The following AKAP6 variants were observed in gnomAD, a reference collection of about 807,000 sequenced individuals.
The protein encoded by AKAP6 is A-kinase anchoring protein 6.
AKAP6 carries 58 observed loss-of-function variants against 188.5 expected under a neutral mutation model. The ratio of observed to expected loss-of-function variants is 0.31; its 90% CI spans 0.25 to 0.38. The LOEUF (loss-of-function observed/expected upper bound fraction) is 0.38, where lower values mean the gene tolerates loss of function less well. Among genes scored for constraint, AKAP6 ranks in the 10% least tolerant of loss-of-function variants. The pLI is 1.00. For synonymous variants in AKAP6, 989 were observed against 998.6 expected (o/e 0.99, Z 0.18); for missense variants, 2,710 against 2,740.0 (o/e 0.99, Z 0.24).
chr14:32,694,904 C>T (rs73264902), intron 8 of AKAP6, among the ~76,000 whole-genome samples: 1,703 of 152,240 alleles, frequency 0.011, 30 homozygotes, highest in African/African-American at 0.039. Flanking sequence ...AGGCTGCTGC[C>T]TCATTAGTAC....
At position 32,546,251 on chromosome 14, in the gene AKAP6, A is replaced by G. The variant is rs1413896467; in HGVS notation, c.1598A>G (p.Glu533Gly). 2.5e-6 allele frequency: 4 copies of G among 1,614,072 alleles called. No homozygotes were observed. Among genetic ancestry groups the G allele is most frequent in the South Asian group, 2.2e-5 (2 of 91,086 alleles). ...NTKSSAVPNG[E>G]LSYTSKAIEG... is the part of the protein sequence containing the mutation. ...AAGAGCTCAGCAGTGCCAAATGGAGAGCTTTCTTATACTTCCAAGGCCATA... is the reference window on the plus strand; with the variant it reads ...AAGAGCTCAGCAGTGCCAAATGGAGGGCTTTCTTATACTTCCAAGGCCATA... Residue 533 changes from glutamate to glycine, a missense_variant, in exon 4 of 14, where the codon GAG becomes GGG. By Grantham distance (98) the Glu-to-Gly change is moderately conservative (BLOSUM62 -2). This residue lies in a region of AKAP6 where 2,473 missense variants were observed against 2,426.1 expected (regional missense o/e 1.02). Transcript: ENST00000280979.
At chr14:32,561,090 G>T (rs1483725921) in intron 4 of AKAP6, among the ~76,000 whole-genome samples, 3 of 152,142 alleles carry the variant, frequency 2.0e-5, no homozygotes, top group Admixed American at 1.3e-4. Flanking sequence ...TTTTAATTAT[G>T]AAAACTTGAA....
rs140282938 is a variant in AKAP6, at chr14:32,802,560, G to A, written c.3589-18842G>A. On this transcript the variant is annotated intron_variant, in intron 12 of 13. Coordinates refer to ENST00000280979, the MANE Select transcript of AKAP6 (RefSeq NM_004274.5). ...TTTCAGTGTTAGAGAGGTAGCAATC[G>A]GTTGCAAATTCACATAATCTTTAGC... 3.4e-4 allele frequency among the ~76,000 whole-genome samples: 52 copies of A among 152,224 alleles called. No individual in the cohort carries two copies. In the East Asian group the frequency reaches 7.1e-3, roughly 21 times the overall value.
At chr14:32,740,979 T>G (rs575977858) in intron 11 of AKAP6, among the ~76,000 whole-genome samples, 32 of 151,954 alleles carry the variant, frequency 2.1e-4, no homozygotes, top group African/African-American at 7.0e-4. Flanking sequence ...ATAATATTGA[T>G]TCTTCCAATC....
chr14:32,612,231 A>T (rs1886378132), intron 7 of AKAP6, among the ~76,000 whole-genome samples: 1 of 152,118 alleles, frequency 6.6e-6, no homozygotes, highest in Admixed American at 6.6e-5. Flanking sequence ...TTCTGTTTAT[A>T]TCTTTCATAA....
intron 12 of AKAP6, among the ~76,000 whole-genome samples, chr14:32,777,868 T>C (rs1444922369): frequency 2.0e-5 from 3 of 152,080 alleles, no homozygotes; most frequent in Non-Finnish European, 4.4e-5. Context: ...CAAGACCTCA[T>C]TTCTACAAAA....
In AKAP6 at chr14:32,510,417, TATATATAC is replaced by T. The variant is rs1477373756; in HGVS notation, c.325-25129_325-25122del. On this transcript the variant is annotated intron_variant, in intron 2 of 13. Transcript: ENST00000280979. ...GTGTATATATATGTATATATATGTA[TATATATAC>T]ATATATATATGTGTATATATATATA... is the stretch of plus-strand genomic sequence containing the variant. Among the ~76,000 whole-genome samples the T allele has an allele frequency of 3.1e-3, 159 of 50,800 alleles. 1 individual carries two copies. Among genetic ancestry groups the T allele is most frequent in the African/African-American group, 0.011 (134 of 12,682 alleles). 33.3% of individuals were successfully genotyped at this position (50,800 alleles called of 152,430 possible). A position where few individuals can be genotyped will look rare whatever the true frequency, so the allele number is the denominator to read the frequency against.
chr14:32,364,234 C>A (rs10431651), intron 1 of AKAP6, among the ~76,000 whole-genome samples: 33,871 of 152,060 alleles, frequency 0.22, 4,053 homozygotes, highest in East Asian at 0.39. Context: ...AAATTGATGT[C>A]AAAAATGAAA....
intron 1 of AKAP6, among the ~76,000 whole-genome samples, chr14:32,415,764 C>A (rs1398582823): frequency 1.3e-5 from 2 of 152,168 alleles, no homozygotes; most frequent in Non-Finnish European, 2.9e-5. Context: ...CTAAGTACCT[C>A]ATATCAGTGG....
At chr14:32,475,509 T>C (rs1176784698) in intron 2 of AKAP6, among the ~76,000 whole-genome samples, 1 of 152,158 alleles carries the variant, frequency 6.6e-6, no homozygotes, top group Non-Finnish European at 1.5e-5. Context: ...TATTGACAAT[T>C]CTATGCAGAG....
chr14:32,563,059 A>G (rs2139214000), intron 4 of AKAP6, among the ~76,000 whole-genome samples: 1 of 152,254 alleles, frequency 6.6e-6, no homozygotes, highest in Non-Finnish European at 1.5e-5. Flanking sequence ...TTCCAAAACC[A>G]CCTTGCTCAT....
At chr14:32,583,684 T>C (rs1333879999) in intron 5 of AKAP6, among the ~76,000 whole-genome samples, 1 of 152,038 alleles carries the variant, frequency 6.6e-6, no homozygotes, top group African/African-American at 2.4e-5. Context: ...CAATGGCGGG[T>C]GCCCCTCCCC....
At chr14:32,651,269 A>T (rs1278591940) in intron 7 of AKAP6, among the ~76,000 whole-genome samples, 1 of 152,134 alleles carries the variant, frequency 6.6e-6, no homozygotes, top group Non-Finnish European at 1.5e-5. Context: ...CAAGGTGTTC[A>T]TGATTATTGT....
Position 32,510,475 on chromosome 14 carries a change from T to TAC in AKAP6, c.325-25077_325-25076dup, listed in dbSNP as rs1337440889. On this transcript the variant is annotated intron_variant, in intron 2 of 13. Coordinates refer to ENST00000280979, the MANE Select transcript of AKAP6 (RefSeq NM_004274.5). ...ACATATATATGTGTATATATATATA[T>TAC]ACATATATATATGTGTATATATATA... 6.0e-3 allele frequency among the ~76,000 whole-genome samples: 750 copies of TAC among 125,200 alleles called. 26 individuals carry two copies. The highest frequency in any genetic ancestry group is 8.1e-3 in the Non-Finnish European group (517 of 63,522). The allele number at this position is 125,200 out of a possible 152,430, so 82.1% of individuals were successfully genotyped here.
At chr14:32,516,898 T>A (rs1881550843) in intron 2 of AKAP6, among the ~76,000 whole-genome samples, 1 of 152,176 alleles carries the variant, frequency 6.6e-6, no homozygotes, top group Non-Finnish European at 1.5e-5. Context: ...CAAGCCTTCT[T>A]AGAAAAATAT....
intron 9 of AKAP6, among the ~76,000 whole-genome samples, chr14:32,726,494 C>T (rs144243917): frequency 2.6e-3 from 393 of 152,130 alleles, no homozygotes; most frequent in Admixed American, 5.3e-3. Context: ...CATTTTTTGC[C>T]GTAATTTTAT....
chr14:32,617,946 T>C (rs888035608), intron 7 of AKAP6, among the ~76,000 whole-genome samples: 3 of 152,116 alleles, frequency 2.0e-5, no homozygotes, highest in African/African-American at 7.2e-5. Context: ...ATTTTTTTTT[T>C]AGTTCTTTAA....
At chr14:32,641,487 A>C (rs1242761913) in intron 7 of AKAP6, among the ~76,000 whole-genome samples, 1 of 141,490 alleles carries the variant, frequency 7.1e-6, no homozygotes, top group East Asian at 2.2e-4. Flanking sequence ...AAAAAAAAAA[A>C]AGAAAAGAAA....
At chr14:32,598,863 CTT>C (rs147210545) in intron 5 of AKAP6, among the ~76,000 whole-genome samples, 1 of 152,184 alleles carries the variant, frequency 6.6e-6, no homozygotes, top group African/African-American at 2.4e-5. Context: ...AGGGAATAAA[CTT>C]TTAAAAAGCA....
Sources: gnomAD v4.1 joint callset for allele counts (sites outside exome capture counted in the v4.1 genomes callset) on GRCh38, gnomAD v4.1.1 for gene constraint, gnomAD v4.1.1 regional missense constraint, MANE v1.5 for transcripts, NCBI Gene and HGNC (gene_info 2026-07-23, HGNC 2026-07-21) for gene names.